DLG2: variants seen among roughly 807,000 people sequenced by gnomAD.
DLG2 encodes discs large MAGUK scaffold protein 2, also known as disks large homolog 2.
Under a neutral mutation model 132.5 loss-of-function variants are expected in DLG2, and 45 were observed. That is an observed-to-expected ratio of 0.34 (90% confidence interval 0.27 to 0.44). The LOEUF is 0.44. DLG2 is among the 20% of genes least tolerant of loss of function. The pLI is 1.00. For synonymous variants in DLG2, 424 were observed against 419.6 expected (o/e 1.01, Z -0.13); for missense variants, 1,045 against 1,196.9 (o/e 0.87, Z 1.87).
intron 6 of DLG2, among the ~76,000 whole-genome samples, chr11:84,544,794 T>C (rs1209963536): frequency 1.3e-5 from 2 of 152,104 alleles, no homozygotes; most frequent in Admixed American, 6.5e-5. Context: ...TGGCTTGGAG[T>C]CTCAAGAACT....
intron 6 of DLG2, among the ~76,000 whole-genome samples, chr11:84,667,317 C>T (rs2099700694): frequency 6.6e-6 from 1 of 151,922 alleles, no homozygotes; most frequent in East Asian, 1.9e-4. Context: ...TATGGATATA[C>T]AAACATGGCT....
intron 3 of DLG2, among the ~76,000 whole-genome samples, chr11:85,396,605 C>T (rs939836231): frequency 2.0e-5 from 3 of 152,062 alleles, no homozygotes; most frequent in Admixed American, 2.0e-4. Context: ...AGGTGAAAAC[C>T]ACAGCACGAG....
intron 7 of DLG2, among the ~76,000 whole-genome samples, chr11:84,357,160 G>C (rs990124951): frequency 6.6e-6 from 1 of 152,028 alleles, no homozygotes; most frequent in Non-Finnish European, 1.5e-5. Context: ...GCACAGTCTG[G>C]ATGTCTTCTT....
At chr11:85,123,855 C>A (rs1212814518) in intron 5 of DLG2, among the ~76,000 whole-genome samples, 1 of 152,154 alleles carries the variant, frequency 6.6e-6, no homozygotes, top group African/African-American at 2.4e-5. Context: ...GAATCTGGTA[C>A]TATCTTTGAA....
intron 7 of DLG2, among the ~76,000 whole-genome samples, chr11:84,280,943 G>A (rs1163189653): frequency 3.0e-5 from 4 of 133,604 alleles, no homozygotes; most frequent in African/African-American, 1.1e-4. Context: ...GGATGGTCTC[G>A]ATTTCCTGAC....
chr11:84,333,741 A>G (rs1268714866), intron 7 of DLG2, among the ~76,000 whole-genome samples: 2 of 152,226 alleles, frequency 1.3e-5, no homozygotes, highest in Non-Finnish European at 2.9e-5. Context: ...TCTGAAAATC[A>G]GTTCTATGAC....
intron 6 of DLG2, among the ~76,000 whole-genome samples, chr11:85,047,243 G>T (rs2062435149): frequency 6.6e-6 from 1 of 151,882 alleles, no homozygotes; most frequent in Non-Finnish European, 1.5e-5. Context: ...CGATTTTAGT[G>T]CATATCTTAA....
At chr11:85,466,435 G>T (rs1324959344) in intron 3 of DLG2, among the ~76,000 whole-genome samples, 3 of 152,124 alleles carry the variant, frequency 2.0e-5, no homozygotes, top group Non-Finnish European at 4.4e-5. Context: ...AAGGTTTTAT[G>T]GTTTTAGGTC....
chr11:84,613,305 G>A (rs1593783360), intron 6 of DLG2, among the ~76,000 whole-genome samples: 1 of 152,094 alleles, frequency 6.6e-6, no homozygotes, highest in Non-Finnish European at 1.5e-5. Context: ...ATTAGGAAAA[G>A]AGTCTCTGTG....
At chr11:84,166,522 A>AAAAAAGAAAAGAAAG (rs1555391583) in intron 8 of DLG2, among the ~76,000 whole-genome samples, 9 of 141,486 alleles carry the variant, frequency 6.4e-5, no homozygotes, top group South Asian at 2.2e-4. Context: ...AAAAAAAAAG[A>AAAAAAGAAAAGAAAG]AAAGAAAGAA....
chr11:84,362,077 A>G (rs2098652849), intron 7 of DLG2, among the ~76,000 whole-genome samples: 1 of 151,938 alleles, frequency 6.6e-6, no homozygotes, highest in African/African-American at 2.4e-5. Context: ...AGTAGTCTAA[A>G]CTCTTCAATT....
At chr11:84,800,913 A>G (rs930846574) in intron 6 of DLG2, among the ~76,000 whole-genome samples, 1 of 152,188 alleles carries the variant, frequency 6.6e-6, no homozygotes, top group Non-Finnish European at 1.5e-5. Context: ...TATAAAATCC[A>G]TGATTTCCCA....
intron 10 of DLG2, among the ~76,000 whole-genome samples, chr11:84,078,193 T>C (rs2096853959): frequency 6.6e-6 from 1 of 152,186 alleles, no homozygotes; most frequent in Non-Finnish European, 1.5e-5. Context: ...TAAGACAAGA[T>C]TCAGAATTCC....
chr11:84,627,810 A>G (rs1021510222), intron 6 of DLG2, among the ~76,000 whole-genome samples: 1 of 152,152 alleles, frequency 6.6e-6, no homozygotes, highest in Admixed American at 6.5e-5. Flanking sequence ...CATGGTGAAA[A>G]TAACAGCAAG....
intron 6 of DLG2, among the ~76,000 whole-genome samples, chr11:84,896,723 A>C (rs2090236941): frequency 8.6e-5 from 13 of 152,024 alleles, no homozygotes; most frequent in Admixed American, 8.5e-4. Context: ...CAATATAGTA[A>C]GACATTTTGT....
intron 6 of DLG2, among the ~76,000 whole-genome samples, chr11:84,974,105 G>C (rs1313564796): frequency 2.0e-5 from 3 of 152,174 alleles, no homozygotes; most frequent in Non-Finnish European, 4.4e-5. Context: ...GAGAGGGAAA[G>C]CCAAGGGTGC....
At chr11:83,580,706 C>T (rs2096955305) in intron 19 of DLG2, among the ~76,000 whole-genome samples, 1 of 152,162 alleles carries the variant, frequency 6.6e-6, no homozygotes, top group African/African-American at 2.4e-5. Context: ...AAAATTCTCA[C>T]AGGAATTGCT....
At chr11:83,646,355 AAC>A (rs572306341) in intron 18 of DLG2, among the ~76,000 whole-genome samples, 1 of 113,264 alleles carries the variant, frequency 8.8e-6, no homozygotes, top group East Asian at 2.0e-4. Flanking sequence ...TCAGATATGA[AAC>A]AGAGAGAGAG....
chr11:85,249,568 T>C (rs929940352), intron 4 of DLG2, among the ~76,000 whole-genome samples: 5 of 152,074 alleles, frequency 3.3e-5, no homozygotes, highest in Non-Finnish European at 5.9e-5. Context: ...TTGAGAGTGC[T>C]GAGAACAAGT....
Sources: allele counts gnomAD v4.1 joint callset (sites outside exome capture counted in the v4.1 genomes callset), GRCh38; gene constraint gnomAD v4.1.1; transcripts MANE v1.5; gene names NCBI Gene and HGNC (gene_info 2026-07-23, HGNC 2026-07-21).